SLC9A9: variants seen among roughly 807,000 people sequenced by gnomAD.
SLC9A9 encodes solute carrier family 9 member A9.
Under a neutral mutation model 77.8 loss-of-function variants are expected in SLC9A9, and 62 were observed. That is an observed-to-expected ratio of 0.80 (90% CI 0.65 to 0.98). The LOEUF is 0.98. SLC9A9 is among the 50% of genes least tolerant of loss of function. SLC9A9 has a pLI of 0.00. For missense variants in SLC9A9, 775 were observed against 774.9 expected (o/e 1.00, Z 0.00); for synonymous variants, 320 against 283.5 (o/e 1.13, Z -1.29).
At chr3:143,620,122 C>G (rs934098596) in intron 6 of SLC9A9, among the ~76,000 whole-genome samples, 1 of 152,156 alleles carries the variant, frequency 6.6e-6, no homozygotes, top group Non-Finnish European at 1.5e-5. Flanking sequence ...TGTTCATTTG[C>G]AGGGAGAATC....
At chr3:143,789,890 C>A (rs2008165960) in intron 4 of SLC9A9, among the ~76,000 whole-genome samples, 1 of 152,118 alleles carries the variant, frequency 6.6e-6, no homozygotes, top group East Asian at 1.9e-4. Flanking sequence ...ATGTAAACAA[C>A]CTCATAATAT....
At chr3:143,498,007 C>T (rs2108594392) in intron 9 of SLC9A9, among the ~76,000 whole-genome samples, 1 of 152,270 alleles carries the variant, frequency 6.6e-6, no homozygotes, top group South Asian at 2.1e-4. Flanking sequence ...CTTTGCGCTA[C>T]ATTTTACATG....
intron 12 of SLC9A9, among the ~76,000 whole-genome samples, chr3:143,415,245 T>TA (rs2034170914): frequency 6.6e-6 from 1 of 152,226 alleles, no homozygotes; most frequent in Admixed American, 6.5e-5. Context: ...AAGATCTAGT[T>TA]AAAATCATTG....
At chr3:143,732,198 AC>A (rs1934822594) in intron 4 of SLC9A9, among the ~76,000 whole-genome samples, 1 of 152,260 alleles carries the variant, frequency 6.6e-6, no homozygotes, top group Non-Finnish European at 1.5e-5. Flanking sequence ...ACAGGTAAGC[AC>A]ACTGTGCCAT....
intron 4 of SLC9A9, among the ~76,000 whole-genome samples, chr3:143,718,897 C>G (rs79384098): frequency 0.034 from 5,230 of 152,268 alleles, 293 homozygotes; most frequent in African/African-American, 0.12. Flanking sequence ...TCTAAGCATT[C>G]CTATTTAGTA....
chr3:143,442,047 A>G (rs2034750613), intron 12 of SLC9A9, among the ~76,000 whole-genome samples: 2 of 151,778 alleles, frequency 1.3e-5, no homozygotes, highest in Admixed American at 1.3e-4. Context: ...TTAACTACCC[A>G]TCCATCCACC....
At chr3:143,621,774 T>C (rs992296561) in intron 6 of SLC9A9, among the ~76,000 whole-genome samples, 1 of 152,156 alleles carries the variant, frequency 6.6e-6, no homozygotes, top group Non-Finnish European at 1.5e-5. Context: ...AGAATGACTT[T>C]GACGAGTTGA....
chr3:143,751,842 G>A (rs760130410), intron 4 of SLC9A9, among the ~76,000 whole-genome samples: 2 of 152,202 alleles, frequency 1.3e-5, no homozygotes, highest in East Asian at 1.9e-4. Context: ...AGACCACAGC[G>A]AAGACTCAAA....
chr3:143,630,495 C>A (rs2038404612), intron 6 of SLC9A9, among the ~76,000 whole-genome samples: 1 of 152,234 alleles, frequency 6.6e-6, no homozygotes, highest in Non-Finnish European at 1.5e-5. Flanking sequence ...AAAGCCTTTT[C>A]TTTTATCACA....
At chr3:143,545,818 T>G (rs1018608148) in intron 9 of SLC9A9, among the ~76,000 whole-genome samples, 11 of 152,208 alleles carry the variant, frequency 7.2e-5, no homozygotes, top group Non-Finnish European at 1.5e-4. Flanking sequence ...TACCCAGTGA[T>G]TTGGCCTCAA....
chr3:143,495,474 C>T, intron 9 of SLC9A9, 26 bp from the exon 10 acceptor site: 3 of 1,547,636 alleles, frequency 1.9e-6, no homozygotes, highest in Non-Finnish European at 1.8e-6. Flanking sequence ...AAACAAAAAA[C>T]CATTAATTAT....
intron 12 of SLC9A9, among the ~76,000 whole-genome samples, chr3:143,413,546 C>A (rs17757182): frequency 1.3e-4 from 19 of 151,954 alleles, no homozygotes; most frequent in African/African-American, 4.1e-4. Flanking sequence ...AGGCAGCTGG[C>A]GGAAAGAGGA....
chr3:143,670,886 T>C (rs1026255562), intron 5 of SLC9A9, among the ~76,000 whole-genome samples: 1 of 152,154 alleles, frequency 6.6e-6, no homozygotes, highest in Non-Finnish European at 1.5e-5. Context: ...TTAAATAAAA[T>C]CAATTATAAA....
At position 143,802,708 on chromosome 3, in the gene SLC9A9, C is replaced by T. The variant is rs190167710; in HGVS notation, c.379-5805G>A. On this transcript the variant is annotated intron_variant, in intron 2 of 15. Transcript: ENST00000316549. ...TGGAACCTTCAAATCCCTTACCATCCTCAATCTTCAAGAAAGGTAGAATAG... is the reference window on the plus strand; with the variant it reads ...TGGAACCTTCAAATCCCTTACCATCTTCAATCTTCAAGAAAGGTAGAATAG... 2.2e-4 allele frequency among the ~76,000 whole-genome samples: 34 copies of T among 152,268 alleles called. No individual in the cohort carries two copies. In the East Asian group the frequency reaches 5.4e-3, roughly 24 times the overall value.
At chr3:143,547,526 C>T (rs2036809515) in intron 9 of SLC9A9, among the ~76,000 whole-genome samples, 1 of 152,216 alleles carries the variant, frequency 6.6e-6, no homozygotes, top group African/African-American at 2.4e-5. Context: ...TTAAAGGTCT[C>T]AAGTGTTTCC....
intron 14 of SLC9A9, among the ~76,000 whole-genome samples, chr3:143,304,776 C>T (rs986303628): frequency 3.3e-5 from 5 of 152,152 alleles, no homozygotes; most frequent in South Asian, 2.1e-4. Flanking sequence ...GTTTAACACC[C>T]TCCCATTTCC....
intron 14 of SLC9A9, among the ~76,000 whole-genome samples, chr3:143,347,376 A>C (rs528714197): frequency 2.0e-5 from 3 of 152,344 alleles, no homozygotes; most frequent in Admixed American, 6.5e-5. Flanking sequence ...GATGAGAAAG[A>C]TAAAAGGGGA....
chr3:143,536,476 G>T (rs535214127), intron 9 of SLC9A9, among the ~76,000 whole-genome samples: 22 of 152,298 alleles, frequency 1.4e-4, no homozygotes, highest in African/African-American at 5.1e-4. Flanking sequence ...TAAAATCAAA[G>T]AAGTGAAAGT....
At chr3:143,560,448 A>G (rs1006667507) in intron 8 of SLC9A9, among the ~76,000 whole-genome samples, 7 of 152,152 alleles carry the variant, frequency 4.6e-5, no homozygotes, top group Non-Finnish European at 7.3e-5. Context: ...TGGCTTATAA[A>G]TATCTTTTGC....
Sources: allele counts gnomAD v4.1 joint callset (sites outside exome capture counted in the v4.1 genomes callset), GRCh38; gene constraint gnomAD v4.1.1; transcripts MANE v1.5; gene names NCBI Gene and HGNC (gene_info 2026-07-23, HGNC 2026-07-21).